ADGRB3: variants seen among roughly 807,000 people sequenced by gnomAD.
The protein encoded by ADGRB3 is brain-specific angiogenesis inhibitor 3.
A neutral mutation model predicts 193.4 loss-of-function variants in ADGRB3; 37 were observed. The ratio of observed to expected loss-of-function variants is 0.19; its 90% CI spans 0.15 to 0.25. ADGRB3 has a LOEUF of 0.25. Ranked by LOEUF, ADGRB3 falls within the 10% of genes least tolerant of loss-of-function variation. The pLI, the probability that ADGRB3 is intolerant of heterozygous loss-of-function variation, is 1.00. For missense variants in ADGRB3, 1,637 were observed against 1,852.9 expected (o/e 0.88, Z 2.14); for synonymous variants, 690 against 644.2 (o/e 1.07, Z -1.08).
chr6:69,132,363 C>T (rs1359832198), intron 17 of ADGRB3, among the ~76,000 whole-genome samples: 1 of 152,154 alleles, frequency 6.6e-6, no homozygotes, highest in Middle Eastern at 3.2e-3. Flanking sequence ...ATTTGCATTT[C>T]TCTTATGACC....
intron 17 of ADGRB3, among the ~76,000 whole-genome samples, chr6:69,109,578 G>A (rs1773309873): frequency 6.6e-6 from 1 of 152,180 alleles, no homozygotes; most frequent in Non-Finnish European, 1.5e-5. Flanking sequence ...TTTTACAAAT[G>A]AGAAAATTAG....
At chr6:69,329,567 T>C (rs1768666043) in intron 22 of ADGRB3, among the ~76,000 whole-genome samples, 1 of 152,228 alleles carries the variant, frequency 6.6e-6, no homozygotes, top group South Asian at 2.1e-4. Flanking sequence ...GAGCAGTTTA[T>C]TGTTAGAACA....
At chr6:69,067,536 A>T (rs1771944110) in intron 16 of ADGRB3, among the ~76,000 whole-genome samples, 1 of 152,190 alleles carries the variant, frequency 6.6e-6, no homozygotes, top group Admixed American at 6.6e-5. Flanking sequence ...AAGGTTAATA[A>T]CCTAAGGATT....
At chr6:68,841,601 G>A (rs1562051979) in intron 3 of ADGRB3, among the ~76,000 whole-genome samples, 1 of 152,084 alleles carries the variant, frequency 6.6e-6, no homozygotes, top group Non-Finnish European at 1.5e-5. Context: ...ATGGGATATA[G>A]CGAAGCAGCA....
chr6:68,918,789 A>G (rs1471936030), intron 3 of ADGRB3, among the ~76,000 whole-genome samples: 1 of 152,098 alleles, frequency 6.6e-6, no homozygotes, highest in Non-Finnish European at 1.5e-5. Flanking sequence ...TCAACATGAA[A>G]CCAAGCTTTT....
At chr6:69,196,514 T>A (rs999202807) in intron 17 of ADGRB3, among the ~76,000 whole-genome samples, 1 of 152,148 alleles carries the variant, frequency 6.6e-6, no homozygotes, top group Admixed American at 6.6e-5. Flanking sequence ...TATCTTTACA[T>A]AGCCTTTTCT....
Position 68,880,710 on chromosome 6 carries a change from G to C in ADGRB3, c.758-49849G>C, listed in dbSNP as rs564480875. Among the ~76,000 whole-genome samples, 5 of 152,220 alleles carry C rather than the reference G, an allele frequency of 3.3e-5. No individual in the cohort carries two copies. The East Asian group carries it at 9.7e-4, about 29-fold the overall frequency. ...ACTTTGCAATTCAAATGAAAGGTGG[G>C]GCTTTTTTCCACAGAGCATCTCCAG... On this transcript the variant is annotated intron_variant, in intron 3 of 31. Transcript: ENST00000370598.
chr6:69,223,572 G>A (rs73745984), intron 17 of ADGRB3, among the ~76,000 whole-genome samples: 21,666 of 149,692 alleles, frequency 0.14, 1,609 homozygotes, highest in Middle Eastern at 0.16. Flanking sequence ...AAAGAAAGGA[G>A]AAAAAGGTGT....
At chr6:68,746,574 A>G (rs1480873528) in intron 3 of ADGRB3, among the ~76,000 whole-genome samples, 2 of 151,998 alleles carry the variant, frequency 1.3e-5, no homozygotes, top group African/African-American at 2.4e-5. Context: ...TGTTCTCTCA[A>G]TGACCCTTTG....
chr6:69,202,437 G>T (rs1476426472), intron 17 of ADGRB3, among the ~76,000 whole-genome samples: 1 of 151,918 alleles, frequency 6.6e-6, no homozygotes, highest in African/African-American at 2.4e-5. Flanking sequence ...ATTCCAATCT[G>T]TACTACCCAC....
chr6:69,357,416 GCAT>G (rs1769358713), intron 28 of ADGRB3, among the ~76,000 whole-genome samples: 1 of 151,946 alleles, frequency 6.6e-6, no homozygotes, highest in Non-Finnish European at 1.5e-5. Flanking sequence ...TTTCAGGTTA[GCAT>G]ACTATCCATT....
Position 68,871,741 on chromosome 6 carries a change from C to T in ADGRB3, c.758-58818C>T, listed in dbSNP as rs1765461233. Among the ~76,000 whole-genome samples the T allele has an allele frequency of 3.3e-5, 5 of 152,052 alleles. No homozygotes were observed. In the South Asian group the frequency reaches 1.0e-3, roughly 31 times the overall value. On this transcript the variant is annotated intron_variant, in intron 3 of 31. Coordinates refer to ENST00000370598, the MANE Select transcript of ADGRB3 (RefSeq NM_001704.3). ...TTAGTCTATTTTCTGACAAAAAGGG[C>T]TTTAAAGTCATACATAAAAAGAAAT...
intron 20 of ADGRB3, among the ~76,000 whole-genome samples, chr6:69,298,223 T>C (rs1767871386): frequency 6.6e-6 from 1 of 151,984 alleles, no homozygotes; most frequent in Admixed American, 6.6e-5. Flanking sequence ...CAATGGAACA[T>C]TGCTGGTCAT....
intron 20 of ADGRB3, among the ~76,000 whole-genome samples, chr6:69,274,369 A>T (rs987144555): frequency 6.6e-6 from 1 of 152,196 alleles, no homozygotes. Context: ...GTTAGAGTTC[A>T]TTACCGAAGC....
chr6:68,806,857 C>A (rs1224208296), intron 3 of ADGRB3, among the ~76,000 whole-genome samples: 1 of 151,922 alleles, frequency 6.6e-6, no homozygotes, highest in East Asian at 1.9e-4. Flanking sequence ...TACTTTGTTG[C>A]AGTTTTAGCA....
chr6:69,355,696 T>C lies in ADGRB3; in HGVS notation c.3556-125T>C, dbSNP rs889109446. The C allele has an allele frequency of 5.2e-6, 4 of 771,326 alleles. No individual in the cohort carries two copies. The Admixed American group carries it at 9.6e-5, about 19-fold the overall frequency. The allele number at this position is 771,326 out of a possible 1,614,324, so 47.8% of individuals were successfully genotyped here. On this transcript the variant is annotated intron_variant, in intron 27 of 31. Coordinates refer to ENST00000370598, the MANE Select transcript of ADGRB3 (RefSeq NM_001704.3). Reference sequence around the variant, plus strand: ...TAATTATACATAGAGAAATTTCCTATGAACAAAACAATAAACTTGTACTGC... The same window carrying C: ...TAATTATACATAGAGAAATTTCCTACGAACAAAACAATAAACTTGTACTGC...
chr6:68,794,452 G>A lies in ADGRB3; in HGVS notation c.758-136107G>A, dbSNP rs150272340. ...AAGCCAATTCATTTTGCTCTTCTGCGATCTGAGATGAAACTGGGGGAAGAA... is the reference window on the plus strand; with the variant it reads ...AAGCCAATTCATTTTGCTCTTCTGCAATCTGAGATGAAACTGGGGGAAGAA... On this transcript the variant is annotated intron_variant, in intron 3 of 31. Coordinates refer to ENST00000370598, the MANE Select transcript of ADGRB3 (RefSeq NM_001704.3). 2.2e-3 allele frequency among the ~76,000 whole-genome samples: 342 copies of A among 152,142 alleles called. 3 individuals are homozygous for A. Among genetic ancestry groups the A allele is most frequent in the African/African-American group, 6.7e-3 (278 of 41,536 alleles).
At chr6:68,703,976 A>G (rs1027967693) in intron 3 of ADGRB3, among the ~76,000 whole-genome samples, 3 of 152,198 alleles carry the variant, frequency 2.0e-5, no homozygotes, top group Non-Finnish European at 4.4e-5. Flanking sequence ...TTAATTTTAA[A>G]TGTCATCTTT....
At chr6:68,810,489 T>A (rs564037193) in intron 3 of ADGRB3, among the ~76,000 whole-genome samples, 1 of 152,196 alleles carries the variant, frequency 6.6e-6, no homozygotes, top group Non-Finnish European at 1.5e-5. Flanking sequence ...AGAAAACCAC[T>A]GTGGTGAAAC....
Sources: allele counts gnomAD v4.1 joint callset (sites outside exome capture counted in the v4.1 genomes callset), GRCh38; gene constraint gnomAD v4.1.1; transcripts MANE v1.5; gene names NCBI Gene and HGNC (gene_info 2026-07-23, HGNC 2026-07-21).